The following USH2A variants were observed in gnomAD, a reference collection of about 807,000 sequenced individuals.
The protein encoded by USH2A is usherin.
USH2A carries 443 observed loss-of-function variants against 538.9 expected under a neutral mutation model. The observed-to-expected ratio is 0.82, with a 90% CI of 0.76 to 0.89. The LOEUF is 0.89. Ranked by LOEUF, USH2A falls within the 40% of genes least tolerant of loss-of-function variation. The pLI is 0.00. For missense variants in USH2A, 6,633 were observed against 6,324.8 expected (o/e 1.05, Z -1.65); for synonymous variants, 2,413 against 2,273.5 (o/e 1.06, Z -1.75).
At chr1:216,078,489 G>A (rs773869789) in intron 26 of USH2A, 127 bp from the exon 27 acceptor site, 3 of 828,066 alleles carry the variant, frequency 3.6e-6, no homozygotes, top group East Asian at 2.4e-5. Context: ...CTATAGAAAT[G>A]TGTCACTCTA....
chr1:215,952,526 C>G (rs1208491009), intron 37 of USH2A, among the ~76,000 whole-genome samples: 1 of 152,094 alleles, frequency 6.6e-6, no homozygotes. Flanking sequence ...ACTGGTTGTT[C>G]CTTTCCATGT....
At chr1:215,659,040 G>A (rs1242634858) in intron 64 of USH2A, among the ~76,000 whole-genome samples, 2 of 152,146 alleles carry the variant, frequency 1.3e-5, no homozygotes, top group African/African-American at 4.8e-5. Context: ...ATGAGCTGGG[G>A]ATACAACAGT....
At chr1:216,257,346 G>T (rs1226984632) in intron 11 of USH2A, among the ~76,000 whole-genome samples, 1 of 151,340 alleles carries the variant, frequency 6.6e-6, no homozygotes, top group African/African-American at 2.4e-5. Context: ...TAAGAATGTT[G>T]CCCCACTGTC....
intron 21 of USH2A, among the ~76,000 whole-genome samples, chr1:216,162,188 T>C (rs2034072118): frequency 6.6e-6 from 1 of 152,044 alleles, no homozygotes; most frequent in Non-Finnish European, 1.5e-5. Flanking sequence ...CTTTTTTTCA[T>C]GTTTTCATTT....
chr1:216,319,858 A>G (rs1241123308), intron 9 of USH2A, among the ~76,000 whole-genome samples: 1 of 152,200 alleles, frequency 6.6e-6, no homozygotes, highest in Non-Finnish European at 1.5e-5. Flanking sequence ...ATGGTTTTTT[A>G]AAAAGCAAGA....
At chr1:216,326,908 C>T (rs896322675) in intron 5 of USH2A, among the ~76,000 whole-genome samples, 8 of 151,988 alleles carry the variant, frequency 5.3e-5, no homozygotes, top group Admixed American at 2.0e-4. Context: ...ACTATTATAC[C>T]ATGATATCAT....
Position 216,199,879 on chromosome 1 carries a change from C to A in USH2A, c.3559G>T (p.Ala1187Ser), listed in dbSNP as rs1460740827. 1 of 1,613,982 alleles carries A rather than the reference C, an allele frequency of 6.2e-7. No homozygotes were observed. Among genetic ancestry groups the A allele is most frequent in the Non-Finnish European group, 8.5e-7 (1 of 1,180,002 alleles). ...GPIEKYILSC[A>S]PLAGGQPCVS... Reference sequence around the variant, plus strand: ...CATGGCTGACCACCAGCCAAAGGGGCACAGGACAAAATATATTTCTCTATG... The same window carrying A: ...CATGGCTGACCACCAGCCAAAGGGGAACAGGACAAAATATATTTCTCTATG... Residue 1187 changes from alanine (A) to serine (S), a missense_variant, in exon 17 of 72, where the codon GCC (alanine) becomes TCC (serine). Ala to Ser is a moderately conservative substitution (Grantham distance 99). Transcript: ENST00000307340.
intron 9 of USH2A, among the ~76,000 whole-genome samples, chr1:216,315,480 A>G (rs2037489519): frequency 6.6e-6 from 1 of 152,200 alleles, no homozygotes; most frequent in South Asian, 2.1e-4. Context: ...AAAGAAGCAT[A>G]AGAGAACGTT....
Position 215,900,217 on chromosome 1 carries a change from C to A in USH2A, c.7452G>T (p.Glu2484Asp), listed in dbSNP as rs397518031. ...ACGATGCAGAAGGATTGGAAAATAA[C>A]CTGTATGGGAAATAAATGTCAATTA... ...RSGDSTHGFL[E>D]LFSNPSASLS... is the part of the protein sequence containing the mutation. Residue 2484 changes from glutamate to aspartate, a missense_variant and splice_region_variant, in exon 40 of 72, where the codon GAG (glutamate) becomes GAT (aspartate). Transcript: ENST00000307340. 4 of 1,613,244 alleles carry A rather than the reference C, an allele frequency of 2.5e-6. No individual in the cohort carries two copies. Among genetic ancestry groups the A allele is most frequent in the East Asian group, 4.5e-5 (2 of 44,804 alleles).
At chr1:215,632,397 G>C (rs1363962733) in intron 70 of USH2A, among the ~76,000 whole-genome samples, 1 of 152,196 alleles carries the variant, frequency 6.6e-6, no homozygotes, top group Non-Finnish European at 1.5e-5. Context: ...GTTATATCCA[G>C]AGTAACATAA....
intron 11 of USH2A, among the ~76,000 whole-genome samples, chr1:216,260,597 C>T (rs942708753): frequency 2.6e-5 from 4 of 152,124 alleles, no homozygotes; most frequent in Non-Finnish European, 5.9e-5. Flanking sequence ...AGCCATAGTG[C>T]CAAGGTTGAG....
At chr1:215,626,869 G>C (rs1656044353) in intron 71 of USH2A, among the ~76,000 whole-genome samples, 3 of 152,252 alleles carry the variant, frequency 2.0e-5, no homozygotes, top group South Asian at 4.1e-4. Context: ...TAATTCATCT[G>C]AACTTTCAAT....
At chr1:215,756,332 G>T (rs1660792671) in intron 58 of USH2A, among the ~76,000 whole-genome samples, 1 of 152,048 alleles carries the variant, frequency 6.6e-6, no homozygotes, top group Non-Finnish European at 1.5e-5. Flanking sequence ...AATTCGTACT[G>T]AACATGAAGT....
At chr1:216,406,539 C>T (rs1034367883) in intron 3 of USH2A, among the ~76,000 whole-genome samples, 1 of 152,172 alleles carries the variant, frequency 6.6e-6, no homozygotes, top group South Asian at 2.1e-4. Context: ...CAAGCACTAC[C>T]TATACTAGAC....
At chr1:216,174,913 C>A in intron 21 of USH2A, 2 of 1,125,350 alleles carry the variant, frequency 1.8e-6, no homozygotes, top group Non-Finnish European at 2.2e-6. Context: ...GGGCATTTTG[C>A]AAACTCATTT....
chr1:216,132,349 T>C (rs999960055), intron 21 of USH2A, among the ~76,000 whole-genome samples: 5 of 152,132 alleles, frequency 3.3e-5, no homozygotes, highest in African/African-American at 9.7e-5. Flanking sequence ...AAATATGTCA[T>C]GCATTTTTTA....
intron 50 of USH2A, among the ~76,000 whole-genome samples, chr1:215,797,590 C>T (rs370219457): frequency 1.9e-4 from 29 of 151,972 alleles, no homozygotes; most frequent in African/African-American, 6.0e-4. Flanking sequence ...AATAATTATG[C>T]TAAATCTATT....
chr1:215,912,354 C>G (rs546401789), intron 38 of USH2A, among the ~76,000 whole-genome samples: 1 of 151,282 alleles, frequency 6.6e-6, no homozygotes, highest in Non-Finnish European at 1.5e-5. Flanking sequence ...AGTTTTCAAC[C>G]AATTTTGATT....
At chr1:215,766,045 A>G (rs1661118259) in intron 56 of USH2A, among the ~76,000 whole-genome samples, 1 of 152,184 alleles carries the variant, frequency 6.6e-6, no homozygotes, top group African/African-American at 2.4e-5. Context: ...TGTGATAGAC[A>G]TTTGCAATTT....
Sources: allele counts gnomAD v4.1 joint callset (sites outside exome capture counted in the v4.1 genomes callset), GRCh38; gene constraint gnomAD v4.1.1; transcripts MANE v1.5; gene names NCBI Gene and HGNC (gene_info 2026-07-23, HGNC 2026-07-21).